The following TBC1D1 variants were observed in gnomAD, a reference collection of about 807,000 sequenced individuals.
TBC1D1 encodes the protein TBC1 domain family member 1.
A neutral mutation model predicts 125.6 loss-of-function variants in TBC1D1; 89 were observed. That is an observed-to-expected ratio of 0.71 (90% CI 0.60 to 0.85). The LOEUF is 0.85. Among genes scored for constraint, TBC1D1 ranks in the 40% least tolerant of loss-of-function variants. The pLI is 0.00. For missense variants in TBC1D1, 1,377 were observed against 1,469.2 expected (o/e 0.94, Z 1.03); for synonymous variants, 565 against 564.1 (o/e 1.00, Z -0.02).
At chr4:38,064,839 G>A (rs943485489) in intron 12 of TBC1D1, among the ~76,000 whole-genome samples, 6 of 151,920 alleles carry the variant, frequency 3.9e-5, no homozygotes, top group African/African-American at 1.4e-4. Context: ...TGACCAGGAT[G>A]GTCTTCATCT....
At position 38,020,608 on chromosome 4, in the gene TBC1D1, C is replaced by G. The variant is rs1743808484; in HGVS notation, c.990C>G (p.Asp330Glu). 1 of 1,612,878 alleles carries G rather than the reference C, an allele frequency of 6.2e-7. No homozygotes were observed. Reference sequence around the variant, plus strand: ...TTTGGCAGGGCATCAGACACGTGGACCACTTTGGGTTTATCTGTCGGGAGT... The same window carrying G: ...TTTGGCAGGGCATCAGACACGTGGAGCACTTTGGGTTTATCTGTCGGGAGT... The change falls in exon 5 of 20, where the codon GAC (aspartate) becomes GAG (glutamate). Residue 330 changes from aspartate to glutamate, a missense_variant. By Grantham distance (45) the Asp-to-Glu change is conservative (BLOSUM62 2). This residue lies in a region of TBC1D1 where 822 missense variants were observed against 824.6 expected (regional missense o/e 1.00). Coordinates refer to ENST00000261439, the MANE Select transcript of TBC1D1 (RefSeq NM_015173.4).
At chr4:38,010,170 T>G (rs1184736976) in intron 2 of TBC1D1, among the ~76,000 whole-genome samples, 1 of 152,220 alleles carries the variant, frequency 6.6e-6, no homozygotes, top group Non-Finnish European at 1.5e-5. Context: ...ATGTTTATTT[T>G]GGGGGTTTAG....
chr4:38,093,563 T>G lies in TBC1D1; in HGVS notation c.2237-2366T>G, dbSNP rs553770684. Among the ~76,000 whole-genome samples, 259 of 150,508 alleles carry G rather than the reference T, an allele frequency of 1.7e-3. 1 individual carries two copies. The highest frequency in any genetic ancestry group is 6.1e-3 in the African/African-American group (250 of 41,110). ...TTTTGAGACAGAGTTTTGCTCTTGT[T>G]GCTTAGGCTACAGTACAGTGGCACA... On this transcript the variant is annotated intron_variant, in intron 13 of 19. Coordinates refer to ENST00000261439, the MANE Select transcript of TBC1D1 (RefSeq NM_015173.4).
At chr4:38,035,827 C>CATAGAGG in intron 8 of TBC1D1, 129 bp downstream of exon 8, 1 of 717,684 alleles carries the variant, frequency 1.4e-6, no homozygotes, top group Non-Finnish European at 2.4e-6. Flanking sequence ...CTTTGTTGCA[C>CATAGAGG]ATAGAGGGGA....
intron 8 of TBC1D1, among the ~76,000 whole-genome samples, chr4:38,043,570 G>A (rs1318854573): frequency 6.8e-6 from 1 of 146,006 alleles, no homozygotes; most frequent in African/African-American, 2.6e-5. Flanking sequence ...GCAACAAAGT[G>A]AGACCCTGGC....
intron 2 of TBC1D1, among the ~76,000 whole-genome samples, chr4:37,992,451 G>A (rs1487343206): frequency 6.6e-6 from 1 of 151,628 alleles, no homozygotes; most frequent in East Asian, 1.9e-4. Context: ...AAGAGAATGA[G>A]CTTGATGTGG....
At chr4:38,099,895 A>G (rs1760009708) in intron 14 of TBC1D1, among the ~76,000 whole-genome samples, 1 of 152,254 alleles carries the variant, frequency 6.6e-6, no homozygotes, top group Admixed American at 6.5e-5. Context: ...GTCCAGTGAC[A>G]CAGCCAATAT....
At chr4:38,058,853 T>TA (rs1213584504) in intron 12 of TBC1D1, among the ~76,000 whole-genome samples, 116 of 149,268 alleles carry the variant, frequency 7.8e-4, no homozygotes, top group African/African-American at 2.1e-3. Context: ...ATAGGTGGGC[T>TA]AAAAAAAAAA....
At chr4:37,904,485 T>G (rs1452257164) in intron 2 of TBC1D1, among the ~76,000 whole-genome samples, 1 of 152,222 alleles carries the variant, frequency 6.6e-6, no homozygotes, top group South Asian at 2.1e-4. Flanking sequence ...CGTGGAATCG[T>G]TGTTCAGCAT....
At chr4:38,132,938 CTTAT>C (rs1262068870) in intron 18 of TBC1D1, 142 bp from the exon 21 acceptor site, 1 of 480,114 alleles carries the variant, frequency 2.1e-6, no homozygotes, top group African/African-American at 2.0e-5. Context: ...CGTAGTTTTT[CTTAT>C]TTATTACTTC....
At chr4:38,024,693 T>C (rs971412679) in intron 6 of TBC1D1, among the ~76,000 whole-genome samples, 1 of 152,206 alleles carries the variant, frequency 6.6e-6, no homozygotes, top group African/African-American at 2.4e-5. Flanking sequence ...ATAAACAGTT[T>C]TAGGGTTCCT....
At chr4:38,094,883 C>CAA (rs528226098) in intron 13 of TBC1D1, among the ~76,000 whole-genome samples, 3,763 of 60,920 alleles carry the variant, frequency 0.062, 89 homozygotes, top group African/African-American at 0.14. Flanking sequence ...AAATCACAGC[C>CAA]AAAAAAAAAA....
At chr4:37,935,444 T>C (rs1724193127) in intron 2 of TBC1D1, among the ~76,000 whole-genome samples, 1 of 152,218 alleles carries the variant, frequency 6.6e-6, no homozygotes, top group African/African-American at 2.4e-5. Flanking sequence ...TCTTTGACTT[T>C]TTGCTCTCCT....
At chr4:37,949,212 A>T (rs1437653728) in intron 2 of TBC1D1, among the ~76,000 whole-genome samples, 1 of 152,254 alleles carries the variant, frequency 6.6e-6, no homozygotes, top group Non-Finnish European at 1.5e-5. Flanking sequence ...GTATTTAACA[A>T]AATATGTGGA....
intron 2 of TBC1D1, among the ~76,000 whole-genome samples, chr4:37,970,585 A>G (rs112402400): frequency 5.3e-4 from 81 of 152,324 alleles, no homozygotes; most frequent in African/African-American, 1.9e-3. Flanking sequence ...CTGGGAACTC[A>G]TCGAAGCTTC....
chr4:38,056,523 T>C (rs1751738082), intron 12 of TBC1D1, among the ~76,000 whole-genome samples: 1 of 152,266 alleles, frequency 6.6e-6, no homozygotes, highest in South Asian at 2.1e-4. Flanking sequence ...TGGACTGGTT[T>C]CCTGGCTTGG....
intron 6 of TBC1D1, among the ~76,000 whole-genome samples, chr4:38,021,928 C>G (rs773356383): frequency 8.5e-5 from 13 of 152,178 alleles, no homozygotes. Context: ...GAACCCAGAA[C>G]CCCCTTCTGC....
intron 1 of TBC1D1, among the ~76,000 whole-genome samples, chr4:37,896,122 G>A (rs1324319579): frequency 6.6e-6 from 1 of 152,166 alleles, no homozygotes; most frequent in South Asian, 2.1e-4. Flanking sequence ...TGTCCATTCT[G>A]GGGTCCCCAA....
chr4:38,046,103 C>T (rs151289946), intron 10 of TBC1D1, among the ~76,000 whole-genome samples, 200 bp downstream of exon 10: 4 of 152,276 alleles, frequency 2.6e-5, no homozygotes, highest in African/African-American at 7.2e-5. Flanking sequence ...AGTGGCTCAA[C>T]GCCTGTAATC....
Sources: gnomAD v4.1 joint callset for allele counts (sites outside exome capture counted in the v4.1 genomes callset) on GRCh38, gnomAD v4.1.1 for gene constraint, gnomAD v4.1.1 regional missense constraint, MANE v1.5 for transcripts, NCBI Gene and HGNC (gene_info 2026-07-23, HGNC 2026-07-21) for gene names.